Variants in FAM136A observed in about 807,000 individuals in gnomAD.
FAM136A encodes TIM double twin CX3C motif chaperone.
In FAM136A, 25 loss-of-function variants were observed where a neutral mutation model predicts 21.6. The observed-to-expected ratio is 1.16, with a 90% CI of 0.84 to 1.62. The LOEUF (loss-of-function observed/expected upper bound fraction) is 1.62, where lower values mean the gene tolerates loss of function less well. FAM136A is among the 40% of genes most tolerant of loss of function. The pLI, the probability that FAM136A is intolerant of heterozygous loss-of-function variation, is 0.00. For synonymous variants in FAM136A, 119 were observed against 129.4 expected, an observed-to-expected ratio of 0.92 and a Z score of 0.55; for missense variants, 338 against 332.0, an observed-to-expected ratio of 1.02 and a Z score of -0.14.
At position 70,300,906 on chromosome 2, in the gene FAM136A, G is replaced by A. The variant is rs762150742; in HGVS notation, c.483C>T (p.Ile161=). The change falls in exon 2 of 3, where the codon ATC becomes ATT. Residue 161 remains isoleucine (I), a synonymous_variant. Transcript: ENST00000430566. ...GAGCCAGAGGCACATGGCAGCGCTC[G>A]ATGCACTGGTGCACCTGCTTCATGG... is the stretch of plus-strand genomic sequence containing the variant. The part of the protein sequence containing the change: ...QASMKQVHQC[I]ERCHVPLAQA... 1.2e-6 allele frequency: 2 copies of A among 1,613,724 alleles called. No homozygotes were observed. Among genetic ancestry groups the A allele is most frequent in the African/African-American group, 1.3e-5 (1 of 74,934 alleles).
rs147859234 is a variant in FAM136A, at chr2:70,296,899, A to G, written c.*390T>C. 1.6e-3 allele frequency: 262 copies of G among 158,966 alleles called. 1 individual carries two copies. The highest frequency in any genetic ancestry group is 6.0e-3 in the African/African-American group (249 of 41,768). The allele number at this position is 158,966 out of a possible 1,614,324, so 9.8% of individuals were successfully genotyped here. A position where few individuals can be genotyped will look rare whatever the true frequency, so the allele number is the denominator to read the frequency against. ...TTTGGTAAACAGGATGTTGGCAACA[A>G]AGAGAAAATATCTCTCCTCAGACTC... is the stretch of plus-strand genomic sequence containing the variant. On this transcript the variant is annotated 3_prime_UTR_variant, in exon 3 of 3. Transcript: ENST00000430566.
intron 2 of FAM136A, among the ~76,000 whole-genome samples, chr2:70,300,286 A>G (rs1697360871): frequency 6.6e-6 from 1 of 152,162 alleles, no homozygotes. Context: ...AACAAACTGC[A>G]TAAGGGCTCT....
At chr2:70,298,880 A>C (rs567261373) in intron 2 of FAM136A, among the ~76,000 whole-genome samples, 17 of 152,360 alleles carry the variant, frequency 1.1e-4, no homozygotes, top group Non-Finnish European at 2.4e-4. Context: ...TCAATGATGC[A>C]GACAGAGTAA....
At chr2:70,299,073 A>G (rs930394888) in intron 2 of FAM136A, among the ~76,000 whole-genome samples, 2 of 152,264 alleles carry the variant, frequency 1.3e-5, no homozygotes, top group African/African-American at 2.4e-5. Context: ...GCTGTCAAAA[A>G]GAACACAAAG....
Position 70,301,429 on chromosome 2 carries a change from A to G in FAM136A, c.408+175T>C. ...ATACTCCGTGAGAGAAGCAGGACCG[A>G]AACACACAGAGGCATTGCGGGGCTC... On this transcript the variant is annotated intron_variant, in intron 1 of 2. Transcript: ENST00000430566. The G allele has an allele frequency of 2.6e-6, 4 of 1,535,158 alleles. No individual in the cohort carries two copies. The South Asian group carries it at 4.8e-5, about 18-fold the overall frequency.
Position 70,301,598 on chromosome 2 carries a change from G to C in FAM136A, c.408+6C>G, listed in dbSNP as rs1237389846. On this transcript the variant is annotated splice_donor_region_variant and intron_variant, in intron 1 of 2. Coordinates refer to ENST00000430566, the MANE Select transcript of FAM136A (RefSeq NM_001329752.2). ...CAGCGCCTCTGCTGGGCCTCGGGCC[G>C]CTCACCTGCGGAAGGGGCCGCGTAA... 2.0e-6 allele frequency: 3 copies of C among 1,535,918 alleles called. No homozygotes were observed. The highest frequency in any genetic ancestry group is 4.9e-5 in the East Asian group (2 of 40,908).
At position 70,301,912 on chromosome 2, in the gene FAM136A, C is replaced by T. The variant is rs769083632; in HGVS notation, c.100G>A (p.Gly34Arg). The change falls in exon 1 of 3, where the codon GGG becomes AGG. Residue 34 changes from glycine to arginine, a missense_variant. Transcript: ENST00000430566. ...CTGAGAAGGGGGTCCTGGTTCGGCC[C>T]CAGCCCCGCTACCTGCATCTTCCGG... ...NIRKMQVAGL[G>R]PNQDPLLSGW... The T allele has an allele frequency of 1.7e-5, 28 of 1,603,226 alleles. No individual in the cohort carries two copies. Among genetic ancestry groups the T allele is most frequent in the Admixed American group, 6.8e-5 (4 of 58,808 alleles).
At position 70,296,800 on chromosome 2, in the gene FAM136A, ACTTT is replaced by A. The variant is rs1465350434; in HGVS notation, c.*485_*488del. ...AATCAAGAAAACAAAGACCCAGAAA[ACTTT>A]CTTTCCCTTCTAAGTTAGTGACCTC... On this transcript the variant is annotated 3_prime_UTR_variant, in exon 3 of 3. Transcript: ENST00000430566. 3 of 152,402 alleles carry A rather than the reference ACTTT, an allele frequency of 2.0e-5. No homozygotes were observed. The highest frequency in any genetic ancestry group is 6.5e-5 in the Admixed American group (1 of 15,298). 9.4% of individuals were successfully genotyped at this position (152,402 alleles called of 1,614,324 possible).
At chr2:70,298,358 A>C (rs76322825) in intron 2 of FAM136A, among the ~76,000 whole-genome samples, 9,323 of 152,254 alleles carry the variant, frequency 0.061, 365 homozygotes, top group East Asian at 0.18. Flanking sequence ...AGCCTCCCAA[A>C]GTGCTGGGAT....
chr2:70,298,005 C>T (rs775040103), intron 2 of FAM136A, among the ~76,000 whole-genome samples: 3 of 151,652 alleles, frequency 2.0e-5, no homozygotes, highest in Non-Finnish European at 2.9e-5. Flanking sequence ...TACTAGAAAG[C>T]AGGTGAATGA....
intron 2 of FAM136A, among the ~76,000 whole-genome samples, chr2:70,298,808 G>A (rs1697320410): frequency 6.6e-6 from 1 of 152,180 alleles, no homozygotes; most frequent in Non-Finnish European, 1.5e-5. Flanking sequence ...AAAACCAGGA[G>A]AGTGAGATGT....
At position 70,297,267 on chromosome 2, in the gene FAM136A, T is replaced by A; in HGVS notation, c.*22A>T. The A allele has an allele frequency of 6.2e-7, 1 of 1,607,398 alleles. No homozygotes were observed. Among genetic ancestry groups the A allele is most frequent in the Non-Finnish European group, 8.5e-7 (1 of 1,174,700 alleles). ...AAAAATATATTCTTGCCCTCAGCCC[T>A]GATGGCCACTGGCAAATACTTTTAT... is the stretch of plus-strand genomic sequence containing the variant. On this transcript the variant is annotated 3_prime_UTR_variant, in exon 3 of 3. Transcript: ENST00000430566.
Position 70,297,417 on chromosome 2 carries a change from C to T in FAM136A, c.610G>A (p.Gly204Arg), listed in dbSNP as rs1411628277. 6.2e-7 allele frequency: 1 copy of T among 1,613,904 alleles called. No homozygotes were observed. Among genetic ancestry groups the T allele is most frequent in the African/African-American group, 1.3e-5 (1 of 74,922 alleles). Reference protein sequence around the residue: ...NDKAKDSIDAGSKELQVKQQL... With the variant: ...NDKAKDSIDARSKELQVKQQL... ...TGCTTCACCTGAAGCTCCTTACTCC[C>T]AGCATCTATTGAATCTTTGGCTTTG... The change falls in exon 3 of 3, where the codon GGG becomes AGG. Residue 204 changes from glycine (G) to arginine (R), a missense_variant. Gly to Arg is a moderately radical substitution (Grantham distance 125, BLOSUM62 -2). Transcript: ENST00000430566.
chr2:70,301,075 T>C, intron 1 of FAM136A, 95 bp from the exon 2 acceptor site: 1 of 1,388,080 alleles, frequency 7.2e-7, no homozygotes, highest in Non-Finnish European at 9.9e-7. Flanking sequence ...CGTGGATATT[T>C]GCACCTCTCT....
chr2:70,301,530 C>T (rs978697795), intron 1 of FAM136A, 74 bp downstream of exon 1: 6 of 1,535,904 alleles, frequency 3.9e-6, no homozygotes, highest in South Asian at 1.2e-5. Context: ...ACCTGGCCAA[C>T]GGGGAGGCCG....
chr2:70,297,794 G>T (rs1697295467), intron 2 of FAM136A, among the ~76,000 whole-genome samples: 1 of 151,656 alleles, frequency 6.6e-6, no homozygotes, highest in Non-Finnish European at 1.5e-5. Flanking sequence ...CACCACTCTT[G>T]GCTAATACTT....
At position 70,301,779 on chromosome 2, in the gene FAM136A, C is replaced by G. The variant is rs759771934; in HGVS notation, c.233G>C (p.Gly78Ala). 23 of 1,546,044 alleles carry G rather than the reference C, an allele frequency of 1.5e-5. No individual in the cohort carries two copies. The East Asian group carries it at 5.4e-4, about 36-fold the overall frequency. Reference sequence around the variant, plus strand: ...TCCGCCAAAGCTTCCGAAGTCCTGTCCGAGGCCGCCCCGGCGACCCCAGGG... The same window carrying G: ...TCCGCCAAAGCTTCCGAAGTCCTGTGCGAGGCCGCCCCGGCGACCCCAGGG... ...GRPWGRRGGL[G>A]QDFGSFGGSD... is the part of the protein sequence containing the mutation. The change falls in exon 1 of 3, where the codon GGA becomes GCA. Residue 78 changes from glycine to alanine, a missense_variant. Physicochemically the swap from Gly to Ala is moderately conservative, Grantham distance 60. Transcript: ENST00000430566.
chr2:70,297,498 G>A (rs535476697), intron 2 of FAM136A, 21 bp from the exon 3 acceptor site: 10 of 1,257,334 alleles, frequency 8.0e-6, no homozygotes, highest in East Asian at 3.2e-5. Context: ...AAGGAAGAAC[G>A]TAGAAAAAGC....
chr2:70,301,255 T>A, intron 1 of FAM136A: 5 of 1,000,704 alleles, frequency 5.0e-6, no homozygotes, highest in Non-Finnish European at 7.1e-6. Context: ...CCCGAGTGGG[T>A]GAGGGTAGGG....
Sources: allele counts gnomAD v4.1 joint callset (sites outside exome capture counted in the v4.1 genomes callset), GRCh38; gene constraint gnomAD v4.1.1; transcripts MANE v1.5; gene names NCBI Gene and HGNC (gene_info 2026-07-23, HGNC 2026-07-21).